Variants in COL6A3 observed in about 807,000 individuals in gnomAD.
COL6A3 encodes the protein collagen type VI alpha 3 chain.
In COL6A3, 137 loss-of-function variants were observed where a neutral mutation model predicts 274.1. The observed-to-expected ratio is 0.50, with a 90% CI of 0.44 to 0.58. The LOEUF (loss-of-function observed/expected upper bound fraction) is 0.58, where lower values mean the gene tolerates loss of function less well. Among genes scored for constraint, COL6A3 ranks in the 20% least tolerant of loss-of-function variants. The probability of loss-of-function intolerance (pLI) is 0.00; values close to 1 mark genes in which losing one functional copy is unlikely to be tolerated. For missense variants in COL6A3, 3,950 were observed against 4,124.9 expected, an observed-to-expected ratio of 0.96 and a Z score of 1.16; for synonymous variants, 1,650 against 1,650.6, an observed-to-expected ratio of 1.00 and a Z score of 0.01.
intron 37 of COL6A3, among the ~76,000 whole-genome samples, chr2:237,341,369 C>G (rs936124752): frequency 6.6e-6 from 1 of 151,958 alleles, no homozygotes; most frequent in South Asian, 2.1e-4. Context: ...CATGGTGAAA[C>G]CCTGTCTCTA....
intron 14 of COL6A3, 71 bp downstream of exon 14, chr2:237,363,182 T>G: frequency 6.6e-7 from 1 of 1,515,556 alleles, no homozygotes. Flanking sequence ...ATAATTAACT[T>G]CATTCTCTTG....
Position 237,388,051 on chromosome 2 carries a change from CACT to C in COL6A3, c.840_842del (p.Val281del), listed in dbSNP as rs1355196561. 16 of 1,614,120 alleles carry C rather than the reference CACT, an allele frequency of 9.9e-6. No individual in the cohort carries two copies. The highest frequency in any genetic ancestry group is 1.7e-5 in the Admixed American group (1 of 60,012). ...GCTCATCGCTAAACTGGACCACCCC[CACT>C]CGGATCTGCTGAGTTCCAATTGGGA... On this transcript the variant is annotated inframe_deletion, in exon 4 of 44. Transcript: ENST00000295550.
intron 22 of COL6A3, 28 bp downstream of exon 22, chr2:237,357,789 G>A (rs780488798): frequency 1.2e-6 from 2 of 1,610,782 alleles, no homozygotes; most frequent in South Asian, 1.1e-5. Flanking sequence ...TCAGTACAGG[G>A]AGAGTCTAGG....
chr2:237,394,621 C>T lies in COL6A3; in HGVS notation c.675G>A (p.Arg225=). The change falls in exon 3 of 44, where the codon AGG becomes AGA. Residue 225 remains arginine, a synonymous_variant. Coordinates refer to ENST00000295550, the MANE Select transcript of COL6A3 (RefSeq NM_004369.4). The stretch of plus-strand genomic sequence containing the variant: ...CTTTAAGGGTTTCCGTGTCCCCAGC[C>T]CTTTCTGGACTCACGGATGAATGCA... ...SCVHSSVSPE[R]AGDTETLKDI... is the part of the protein sequence containing the mutation. 1 of 1,614,160 alleles carries T rather than the reference C, an allele frequency of 6.2e-7. No individual in the cohort carries two copies. The highest frequency in any genetic ancestry group is 8.5e-7 in the Non-Finnish European group (1 of 1,180,028).
At chr2:237,329,729 T>C (rs1258675264) in intron 42 of COL6A3, 1 of 152,236 alleles carries the variant, frequency 6.6e-6, no homozygotes, top group South Asian at 2.1e-4. Flanking sequence ...GAGCTCTTAA[T>C]TTTATGATGC....
At chr2:237,411,200 T>G (rs77867251) in intron 1 of COL6A3, among the ~76,000 whole-genome samples, 1 of 152,172 alleles carries the variant, frequency 6.6e-6, no homozygotes, top group Non-Finnish European at 1.5e-5. Flanking sequence ...CCCCAAGAGA[T>G]AGCAGATTTT....
At chr2:237,358,429 T>A (rs917275991) in intron 21 of COL6A3, 92 bp downstream of exon 21, 32 of 1,095,520 alleles carry the variant, frequency 2.9e-5, no homozygotes, top group Non-Finnish European at 3.7e-5. Flanking sequence ...TTTAAAGCAA[T>A]TTCAAAAGTA....
At chr2:237,391,157 G>A (rs2078275778) in intron 3 of COL6A3, among the ~76,000 whole-genome samples, 1 of 152,210 alleles carries the variant, frequency 6.6e-6, no homozygotes, top group East Asian at 1.9e-4. Flanking sequence ...TTCTTCCTAA[G>A]ATTATTATCC....
At chr2:237,332,100 TATATATA>T (rs1398054178) in intron 42 of COL6A3, among the ~76,000 whole-genome samples, 616 of 40,530 alleles carry the variant, frequency 0.015, 83 homozygotes, top group Non-Finnish European at 0.019. Flanking sequence ...TATATATATA[TATATATA>T]TATATATATA....
At chr2:237,406,208 C>T (rs1287379912) in intron 1 of COL6A3, among the ~76,000 whole-genome samples, 1 of 152,148 alleles carries the variant, frequency 6.6e-6, no homozygotes, top group Non-Finnish European at 1.5e-5. Flanking sequence ...ATTTCCCAAG[C>T]TATTTTGCAA....
In COL6A3 at chr2:237,374,463, G is replaced by A. The variant is rs756357903; in HGVS notation, c.3628C>T (p.Arg1210Cys). ...GGCTGCAGCCTGCTCAGCTCCTCGC[G>A]GGTGAGCTGGGTCACCCTCTCAGAG... ...VISERVTQLT[R>C]EELSRLQPVL... The change falls in exon 8 of 44, where the codon CGC becomes TGC. Residue 1210 changes from arginine (R) to cysteine (C), a missense_variant. Arg to Cys is a radical substitution (Grantham distance 180). Coordinates refer to ENST00000295550, the MANE Select transcript of COL6A3 (RefSeq NM_004369.4). This position sits in a 1 kb window ranked among gnomAD's most constrained non-coding sequence, Gnocchi z 4.8. 15 of 1,613,890 alleles carry A rather than the reference G, an allele frequency of 9.3e-6. No individual in the cohort carries two copies. The highest frequency in any genetic ancestry group is 6.6e-5 in the South Asian group (6 of 91,068).
chr2:237,381,533 G>T, intron 4 of COL6A3, 34 bp from the exon 5 acceptor site: 2 of 1,501,324 alleles, frequency 1.3e-6, no homozygotes, highest in Non-Finnish European at 1.8e-6. Flanking sequence ...CAATTAGAAT[G>T]GCCTTACCAA....
rs7605341 is a variant in COL6A3 at position 237,353,103 on chromosome 2, T to G, written c.6690+238A>C. ...CATAAAGAGAGAGAGATTAGTGGTT[T>G]CCAGGGACTCGGGGTGGAGGGTGAT... On this transcript the variant is annotated intron_variant, in intron 25 of 43. Coordinates refer to ENST00000295550, the MANE Select transcript of COL6A3 (RefSeq NM_004369.4). Among the ~76,000 whole-genome samples, 90,757 of 151,416 alleles carry G rather than the reference T, an allele frequency of 0.6. 27,355 individuals carry two copies. The highest frequency in any genetic ancestry group is 0.66 in the East Asian group (3,389 of 5,118).
At chr2:237,377,609 G>C (rs1010575118) in intron 6 of COL6A3, among the ~76,000 whole-genome samples, 3 of 152,184 alleles carry the variant, frequency 2.0e-5, no homozygotes, top group African/African-American at 7.2e-5. Context: ...CCAGGGAAAA[G>C]CCCCACTGGG....
chr2:237,352,378 G>T, intron 26 of COL6A3, 144 bp downstream of exon 26: 1 of 833,888 alleles, frequency 1.2e-6, no homozygotes. Flanking sequence ...AAGGCCTGAG[G>T]TTAAATCTGG....
At chr2:237,397,139 A>AGAAGGGAAGG (rs140417880) in intron 1 of COL6A3, among the ~76,000 whole-genome samples, 1 of 143,388 alleles carries the variant, frequency 7.0e-6, no homozygotes, top group African/African-American at 2.7e-5. Context: ...GGAAGGAAGG[A>AGAAGGGAAGG]GAAGGGAAGG....
intron 27 of COL6A3, 63 bp from the exon 28 acceptor site, chr2:237,350,272 G>A: frequency 1.3e-6 from 2 of 1,518,422 alleles, no homozygotes; most frequent in Middle Eastern, 1.7e-4. Context: ...GTGATGCCAA[G>A]CCATGCTTTT....
intron 43 of COL6A3, 41 bp downstream of exon 43, chr2:237,325,519 C>T (rs753815889): frequency 4.3e-5 from 70 of 1,610,428 alleles, no homozygotes; most frequent in Non-Finnish European, 4.4e-5. Context: ...ACCTGAATCT[C>T]TTATTTGCAG....
At position 237,368,452 on chromosome 2, in the gene COL6A3, A is replaced by G; in HGVS notation, c.4900+111T>C. On this transcript the variant is annotated intron_variant, in intron 10 of 43. Transcript: ENST00000295550. This position sits in a 1 kb window ranked among gnomAD's most constrained non-coding sequence, Gnocchi z 4.4. ...GTATTTAATTTCTAATATTATCTGA[A>G]GAAACAACCCAGAGAGAAGAAAATT... The G allele has an allele frequency of 7.5e-7, 1 of 1,338,176 alleles. No homozygotes were observed. Among genetic ancestry groups the G allele is most frequent in the Non-Finnish European group, 1.0e-6 (1 of 982,982 alleles). The allele number at this position is 1,338,176 out of a possible 1,614,324, so 82.9% of individuals were successfully genotyped here. A position where few individuals can be genotyped will look rare whatever the true frequency, so the allele number is the denominator to read the frequency against.
Sources: allele counts gnomAD v4.1 joint callset (sites outside exome capture counted in the v4.1 genomes callset), GRCh38; gene constraint gnomAD v4.1.1; non-coding constraint Gnocchi (gnomAD v3.1); transcripts MANE v1.5; gene names NCBI Gene and HGNC (gene_info 2026-07-23, HGNC 2026-07-21).